Variants in KIAA1191 observed in about 807,000 individuals in gnomAD.
KIAA1191 encodes KIAA1191.
A neutral mutation model predicts 31.1 loss-of-function variants in KIAA1191; 22 were observed. That is an observed-to-expected ratio of 0.71 (90% CI 0.51 to 1.01). The LOEUF (loss-of-function observed/expected upper bound fraction) is 1.01, where lower values mean the gene tolerates loss of function less well. KIAA1191 is among the 50% of genes least tolerant of loss of function. The probability of loss-of-function intolerance (pLI) is 0.00; values close to 1 mark genes in which losing one functional copy is unlikely to be tolerated. For missense variants in KIAA1191, 319 were observed against 388.0 expected (o/e 0.82, Z 1.49); for synonymous variants, 130 against 143.9 (o/e 0.90, Z 0.69).
intron 4 of KIAA1191, chr5:176,353,431 A>C (rs1024127291): frequency 1.3e-5 from 2 of 152,280 alleles, no homozygotes; most frequent in Non-Finnish European, 2.9e-5. Context: ...GCTCAGGCCT[A>C]GCAGGGAGGA....
Position 176,351,605 on chromosome 5 carries a change from G to T in KIAA1191, c.335-868C>A, listed in dbSNP as rs148617391. On this transcript the variant is annotated intron_variant, in intron 5 of 8. Transcript: ENST00000298569. ...AAACCCCATCTCTACTAAAAATACA[G>T]AAATTAGCCAGGCGTGGTGGTGGGC... Among the ~76,000 whole-genome samples the T allele has an allele frequency of 1.5e-4, 22 of 149,838 alleles. No individual in the cohort carries two copies. The East Asian group carries it at 3.8e-3, about 26-fold the overall frequency.
chr5:176,355,902 C>A lies in KIAA1191; in HGVS notation c.29-153G>T. 1 of 731,402 alleles carries A rather than the reference C, an allele frequency of 1.4e-6. No homozygotes were observed. The highest frequency in any genetic ancestry group is 2.3e-6 in the Non-Finnish European group (1 of 426,580). 45.3% of individuals were successfully genotyped at this position (731,402 alleles called of 1,614,324 possible). A position where few individuals can be genotyped will look rare whatever the true frequency, so the allele number is the denominator to read the frequency against. On this transcript the variant is annotated intron_variant, in intron 3 of 8. Coordinates refer to ENST00000298569, the MANE Select transcript of KIAA1191 (RefSeq NM_020444.5). The surrounding 1 kb of genome is among the most constrained non-coding windows in gnomAD (Gnocchi z 4.2). ...AGTAGCTAATCCCATCCAGGAAAGG[C>A]AGTGGTACCAATCCCTTCCTCTATG...
In KIAA1191 at chr5:176,361,359, G is replaced by A. The variant is rs765865224; in HGVS notation, c.-168+243C>T. 6.6e-6 allele frequency: 1 copy of A among 152,542 alleles called. No individual in the cohort carries two copies. Among genetic ancestry groups the A allele is most frequent in the Non-Finnish European group, 1.5e-5 (1 of 68,270 alleles). The allele number at this position is 152,542 out of a possible 1,614,324, so 9.4% of individuals were successfully genotyped here. ...TGGGCTGGTCCCACGAAGCGGAGGG[G>A]AAGCCCGTACGGGAGCTGCAGGGCA... On this transcript the variant is annotated intron_variant, in intron 1 of 8. Coordinates refer to ENST00000298569, the MANE Select transcript of KIAA1191 (RefSeq NM_020444.5). This position sits in a 1 kb window ranked among gnomAD's most constrained non-coding sequence, Gnocchi z 4.0.
intron 7 of KIAA1191, 89 bp downstream of exon 7, chr5:176,348,161 T>A: frequency 6.3e-7 from 1 of 1,594,258 alleles, no homozygotes; most frequent in South Asian, 1.1e-5. Context: ...CTTCTCCCTC[T>A]GAAACCACAG....
chr5:176,351,828 G>GT, intron 5 of KIAA1191, among the ~76,000 whole-genome samples: 1 of 151,904 alleles, frequency 6.6e-6, no homozygotes. Flanking sequence ...AATTCACTAG[G>GT]AATTGCCCAG....
intron 4 of KIAA1191, 34 bp from the exon 5 acceptor site, chr5:176,352,782 G>C (rs750515457): frequency 8.8e-6 from 14 of 1,593,976 alleles, no homozygotes; most frequent in Non-Finnish European, 1.2e-5. Flanking sequence ...GAAGCACTTA[G>C]GCAGGGCAGG....
Position 176,348,332 on chromosome 5 carries a change from C to T in KIAA1191, c.484G>A (p.Val162Ile), listed in dbSNP as rs778001102. 32 of 1,613,474 alleles carry T rather than the reference C, an allele frequency of 2.0e-5. No homozygotes were observed. In the South Asian group the frequency reaches 3.4e-4, roughly 17 times the overall value. The change falls in exon 7 of 9, where the codon GTA becomes ATA. Residue 162 changes from valine (V) to isoleucine (I), a missense_variant. Transcript: ENST00000298569. The stretch of plus-strand genomic sequence containing the variant: ...GCAGGCTGCCTCTCTTCTTTTGTTA[C>T]CTCTCCACTCTGTAACTTTAGTTTC... ...LHKLKLQSGE[V>I]TKEERQPASA...
At chr5:176,349,370 TG>T (rs1214552855) in intron 6 of KIAA1191, among the ~76,000 whole-genome samples, 5 of 152,168 alleles carry the variant, frequency 3.3e-5, no homozygotes. Context: ...AAGAATCATC[TG>T]GAATGCTCAT....
Position 176,350,796 on chromosome 5 carries a change from G to A in KIAA1191, c.335-59C>T, listed in dbSNP as rs1766927726. ...CCCCTCTCCCATCACAAAATAAGGAGGACAACATGGATATCTACTATTCTC... is the reference window on the plus strand; with the variant it reads ...CCCCTCTCCCATCACAAAATAAGGAAGACAACATGGATATCTACTATTCTC... On this transcript the variant is annotated intron_variant, in intron 5 of 8. Coordinates refer to ENST00000298569, the MANE Select transcript of KIAA1191 (RefSeq NM_020444.5). 2.5e-6 allele frequency: 4 copies of A among 1,591,112 alleles called. No homozygotes were observed. The South Asian group carries it at 3.4e-5, about 13-fold the overall frequency.
chr5:176,347,645 G>T lies in KIAA1191; in HGVS notation c.873C>A (p.Asn291Lys). Residue 291 changes from asparagine (N) to lysine (K), a missense_variant, in exon 9 of 9, where the codon AAC becomes AAA. Transcript: ENST00000298569. Reference protein sequence around the residue: ...EGKKQPPRAHNLKPRDLNVLT... With the variant: ...EGKKQPPRAHKLKPRDLNVLT... ...GCACATTCAGGTCACGGGGTTTGAG[G>T]TTATGGGCCCGTGGTGGCTGTTTCT... 1 of 1,551,294 alleles carries T rather than the reference G, an allele frequency of 6.4e-7. No homozygotes were observed. Among genetic ancestry groups the T allele is most frequent in the Non-Finnish European group, 8.7e-7 (1 of 1,151,872 alleles).
At chr5:176,350,837 C>G (rs1766931267) in intron 5 of KIAA1191, 100 bp from the exon 6 acceptor site, 4 of 1,383,178 alleles carry the variant, frequency 2.9e-6, no homozygotes. Context: ...AAGCAAGAGA[C>G]CACACTGACC....
Position 176,359,368 on chromosome 5 carries a change from C to T in KIAA1191, c.28+113G>A. The T allele has an allele frequency of 2.1e-6, 2 of 931,172 alleles. No individual in the cohort carries two copies. The highest frequency in any genetic ancestry group is 2.5e-5 in the East Asian group (1 of 40,588). The allele number at this position is 931,172 out of a possible 1,614,324, so 57.7% of individuals were successfully genotyped here. A position where few individuals can be genotyped will look rare whatever the true frequency, so the allele number is the denominator to read the frequency against. On this transcript the variant is annotated intron_variant, in intron 3 of 8. Transcript: ENST00000298569. The stretch of plus-strand genomic sequence containing the variant: ...AGCCAATCTAGTAAATCTAAATACT[C>T]GCTTGGTAGCAGAGATTAACCATTA...
chr5:176,357,692 G>A (rs1489507442), intron 3 of KIAA1191, among the ~76,000 whole-genome samples: 2 of 152,098 alleles, frequency 1.3e-5, no homozygotes, highest in African/African-American at 4.8e-5. Context: ...TATGGCTCGC[G>A]ACGGCTACAC....
intron 3 of KIAA1191, among the ~76,000 whole-genome samples, chr5:176,359,071 A>T (rs1162312565): frequency 5.9e-5 from 8 of 136,176 alleles, no homozygotes; most frequent in African/African-American, 2.2e-4. Context: ...GCGACAGAGC[A>T]AGACTCTGTC....
rs1194975101 is a variant in KIAA1191 at position 176,348,078 on chromosome 5, A to G, written c.567-15T>C. The G allele has an allele frequency of 6.2e-7, 1 of 1,613,168 alleles. No homozygotes were observed. Among genetic ancestry groups the G allele is most frequent in the South Asian group, 1.1e-5 (1 of 91,028 alleles). On this transcript the variant is annotated splice_polypyrimidine_tract_variant and intron_variant, in intron 7 of 8. Coordinates refer to ENST00000298569, the MANE Select transcript of KIAA1191 (RefSeq NM_020444.5). Reference sequence around the variant, plus strand: ...TGAACCAGCCCCTGGGAAAGAAAGAACAAAACATATCCTAAAATACCTCTT... The same window carrying G: ...TGAACCAGCCCCTGGGAAAGAAAGAGCAAAACATATCCTAAAATACCTCTT...
In KIAA1191 at chr5:176,355,484, T is replaced by C; in HGVS notation, c.207+87A>G. 7.8e-7 allele frequency: 1 copy of C among 1,287,184 alleles called. No individual in the cohort carries two copies. The highest frequency in any genetic ancestry group is 1.1e-6 in the Non-Finnish European group (1 of 914,970). 79.7% of individuals were successfully genotyped at this position (1,287,184 alleles called of 1,614,324 possible). On this transcript the variant is annotated intron_variant, in intron 4 of 8. Transcript: ENST00000298569. The surrounding 1 kb of genome is among the most constrained non-coding windows in gnomAD (Gnocchi z 4.2). ...AGGGAGTGGTTGCTGCCCAGTCCCA[T>C]GGGCACAGGGAGCCACTGAAGGCTT...
At chr5:176,349,778 C>T (rs1766831158) in intron 6 of KIAA1191, among the ~76,000 whole-genome samples, 1 of 151,828 alleles carries the variant, frequency 6.6e-6, no homozygotes, top group African/African-American at 2.4e-5. Context: ...GTGCTCTCCT[C>T]ACCTTGCCCT....
At position 176,355,579 on chromosome 5, in the gene KIAA1191, G is replaced by A; in HGVS notation, c.199C>T (p.Leu67Phe). 1 of 1,607,374 alleles carries A rather than the reference G, an allele frequency of 6.2e-7. No homozygotes were observed. The highest frequency in any genetic ancestry group is 8.5e-7 in the Non-Finnish European group (1 of 1,176,026). ...CCAGCAGGGTCAGATACCTTGGCGA[G>A]GTGCTGATACTTGCGCTCTGGAATC... ...PVIPERKYQH[L>F]AKVEEGEASL... Residue 67 changes from leucine to phenylalanine, a missense_variant, in exon 4 of 9, where the codon CTC (leucine) becomes TTC (phenylalanine). Coordinates refer to ENST00000298569, the MANE Select transcript of KIAA1191 (RefSeq NM_020444.5). This position sits in a 1 kb window ranked among gnomAD's most constrained non-coding sequence, Gnocchi z 4.2.
chr5:176,357,822 A>G (rs1039017823), intron 3 of KIAA1191, among the ~76,000 whole-genome samples: 2 of 152,244 alleles, frequency 1.3e-5, no homozygotes, highest in East Asian at 3.8e-4. Flanking sequence ...TTTCAAAAAC[A>G]TCTTAAAGAC....
Sources: allele counts gnomAD v4.1 joint callset (sites outside exome capture counted in the v4.1 genomes callset), GRCh38; gene constraint gnomAD v4.1.1; non-coding constraint Gnocchi (gnomAD v3.1); transcripts MANE v1.5; gene names NCBI Gene and HGNC (gene_info 2026-07-23, HGNC 2026-07-21).